The following PPP2R2C variants were observed in gnomAD, a reference collection of about 807,000 sequenced individuals.
PPP2R2C encodes the protein protein phosphatase 2, regulatory subunit B, gamma.
In PPP2R2C, 10 loss-of-function variants were observed where a neutral mutation model predicts 45.3. The ratio of observed to expected loss-of-function variants is 0.22; its 90% CI spans 0.14 to 0.37. The LOEUF (loss-of-function observed/expected upper bound fraction) is 0.37, where lower values mean the gene tolerates loss of function less well. PPP2R2C is among the 10% of genes least tolerant of loss of function. The pLI is 1.00. For missense variants in PPP2R2C, 308 were observed against 619.7 expected, an observed-to-expected ratio of 0.50 and a Z score of 5.34; for synonymous variants, 257 against 245.4, an observed-to-expected ratio of 1.05 and a Z score of -0.44.
At chr4:6,511,534 G>GGCAA (rs1723492037) in intron 2 of PPP2R2C, among the ~76,000 whole-genome samples, 1 of 17,948 alleles carries the variant, frequency 5.6e-5, no homozygotes, top group Non-Finnish European at 2.0e-4. Context: ...GATGGTGGTG[G>GGCAA]TGGTGGTGGT....
At chr4:6,443,117 A>G (rs980873152) in intron 1 of PPP2R2C, among the ~76,000 whole-genome samples, 1 of 149,776 alleles carries the variant, frequency 6.7e-6, no homozygotes, top group Non-Finnish European at 1.5e-5. Context: ...CAGTGGCCTC[A>G]GTTTTTTTAA....
chr4:6,534,649 C>A (rs1463688405), intron 2 of PPP2R2C, among the ~76,000 whole-genome samples: 1 of 151,856 alleles, frequency 6.6e-6, no homozygotes, highest in Non-Finnish European at 1.5e-5. Context: ...ACACACACAG[C>A]CCCAAAGAGA....
intron 5 of PPP2R2C, chr4:6,350,958 G>T: frequency 1.0e-6 from 1 of 985,370 alleles, no homozygotes; most frequent in Middle Eastern, 5.2e-4. Context: ...CAGGTTCAGT[G>T]TCCACCCAAA....
At chr4:6,544,525 C>T (rs1432495730) in intron 1 of PPP2R2C, among the ~76,000 whole-genome samples, 4 of 151,874 alleles carry the variant, frequency 2.6e-5, no homozygotes, top group Admixed American at 6.6e-5. Context: ...GTTTAAGAGA[C>T]GGGATCTCAC....
intron 2 of PPP2R2C, among the ~76,000 whole-genome samples, chr4:6,486,324 G>A (rs1262428038): frequency 6.6e-6 from 1 of 152,010 alleles, no homozygotes; most frequent in African/African-American, 2.4e-5. Flanking sequence ...ATGTTCGGTG[G>A]TGTGTACTTG....
intron 1 of PPP2R2C, among the ~76,000 whole-genome samples, chr4:6,448,098 G>C (rs1025285997): frequency 2.0e-5 from 3 of 152,154 alleles, no homozygotes; most frequent in African/African-American, 7.2e-5. Flanking sequence ...GCACAGAGGA[G>C]CTTCCAGAGA....
At chr4:6,534,057 TATCAACACACACACACCAACATACAC>T (rs1724497406) in intron 2 of PPP2R2C, among the ~76,000 whole-genome samples, 1 of 133,788 alleles carries the variant, frequency 7.5e-6, no homozygotes, top group Non-Finnish European at 1.6e-5. Flanking sequence ...CCAACACACA[TATCAACACACACACACCAACATACAC>T]ATCAACACAT....
chr4:6,325,448 G>A (rs1444633744), intron 8 of PPP2R2C, among the ~76,000 whole-genome samples: 1 of 152,166 alleles, frequency 6.6e-6, no homozygotes, highest in Non-Finnish European at 1.5e-5. Flanking sequence ...AGGCTGACTG[G>A]GGGAGGCCAC....
intron 3 of PPP2R2C, among the ~76,000 whole-genome samples, chr4:6,377,583 C>T (rs1278614259): frequency 5.3e-5 from 8 of 152,102 alleles, no homozygotes; most frequent in African/African-American, 1.9e-4. Context: ...TGCTTGAACC[C>T]GGGAGGCGGA....
At chr4:6,456,274 T>C (rs1721024823) in intron 1 of PPP2R2C, among the ~76,000 whole-genome samples, 1 of 150,184 alleles carries the variant, frequency 6.7e-6, no homozygotes. Context: ...ATGTGAGCAG[T>C]GTTTCTGGAG....
Position 6,456,820 on chromosome 4 carries a change from T to C in PPP2R2C, c.70+15340A>G, listed in dbSNP as rs558204181. Among the ~76,000 whole-genome samples, 13 of 152,350 alleles carry C rather than the reference T, an allele frequency of 8.5e-5. 1 individual carries two copies. The highest frequency in any genetic ancestry group is 8.5e-4 in the Admixed American group (13 of 15,300). Reference sequence around the variant, plus strand: ...CCAGCCAGGGTTTGAAACATCACTGTGGCCTGGCCACGTGGAGGGCCCATG... The same window carrying C: ...CCAGCCAGGGTTTGAAACATCACTGCGGCCTGGCCACGTGGAGGGCCCATG... On this transcript the variant is annotated intron_variant, in intron 1 of 8. Transcript: ENST00000382599.
At chr4:6,465,001 A>T (rs1721521716) in intron 1 of PPP2R2C, among the ~76,000 whole-genome samples, 1 of 152,194 alleles carries the variant, frequency 6.6e-6, no homozygotes. Context: ...TGACACATGT[A>T]TCACAGGAAT....
At chr4:6,542,539 C>CA (rs1407143110) in intron 1 of PPP2R2C, among the ~76,000 whole-genome samples, 1 of 151,548 alleles carries the variant, frequency 6.6e-6, no homozygotes, top group East Asian at 1.9e-4. Context: ...ACTAAAAATA[C>CA]AAAAAATTAG....
chr4:6,556,539 T>G (rs1228621559), intron 1 of PPP2R2C, among the ~76,000 whole-genome samples: 2 of 152,190 alleles, frequency 1.3e-5, no homozygotes, highest in Non-Finnish European at 2.9e-5. Context: ...GTGATCCTAT[T>G]GGCCCTGTTT....
intron 1 of PPP2R2C, among the ~76,000 whole-genome samples, chr4:6,415,166 T>C (rs148440015): frequency 6.6e-6 from 1 of 152,336 alleles, no homozygotes; most frequent in African/African-American, 2.4e-5. Flanking sequence ...GCCTTCTCTC[T>C]TGGAGGTGAA....
chr4:6,343,643 C>A (rs945498525), intron 6 of PPP2R2C, among the ~76,000 whole-genome samples: 6 of 151,992 alleles, frequency 3.9e-5, no homozygotes, highest in African/African-American at 1.4e-4. Flanking sequence ...TCCCTTGAAC[C>A]CAGGAGGTGG....
intron 5 of PPP2R2C, among the ~76,000 whole-genome samples, chr4:6,367,902 T>C (rs1714470477): frequency 6.6e-6 from 1 of 152,250 alleles, no homozygotes; most frequent in African/African-American, 2.4e-5. Context: ...AATGCCTAAG[T>C]TGCCCTATCA....
chr4:6,521,301 G>A (rs774452103), intron 2 of PPP2R2C, among the ~76,000 whole-genome samples: 6 of 152,182 alleles, frequency 3.9e-5, no homozygotes, highest in South Asian at 2.1e-4. Context: ...TCAGCTGGTC[G>A]TAAACCACTG....
intron 1 of PPP2R2C, among the ~76,000 whole-genome samples, chr4:6,426,331 G>A (rs1040376731): frequency 4.6e-5 from 7 of 152,162 alleles, no homozygotes; most frequent in Non-Finnish European, 8.8e-5. Context: ...TCCCAGTGGT[G>A]GGGATTCTTC....
Sources: allele counts gnomAD v4.1 joint callset (sites outside exome capture counted in the v4.1 genomes callset), GRCh38; gene constraint gnomAD v4.1.1; transcripts MANE v1.5; gene names NCBI Gene and HGNC (gene_info 2026-07-23, HGNC 2026-07-21).